The following SLC26A11 variants were observed in gnomAD, a reference collection of about 807,000 sequenced individuals.
The protein encoded by SLC26A11 is sodium-independent sulfate anion transporter.
Under a neutral mutation model 62.2 loss-of-function variants are expected in SLC26A11, and 58 were observed. That is an observed-to-expected ratio of 0.93 (90% confidence interval 0.76 to 1.16). The LOEUF (loss-of-function observed/expected upper bound fraction) is 1.16, where lower values mean the gene tolerates loss of function less well. SLC26A11 is among the 50% of genes most tolerant of loss of function. The pLI is 0.00. For missense variants in SLC26A11, 790 were observed against 794.3 expected, an observed-to-expected ratio of 0.99 and a Z score of 0.06; for synonymous variants, 411 against 368.9, an observed-to-expected ratio of 1.11 and a Z score of -1.31.
chr17:80,241,828 C>A lies in SLC26A11; in HGVS notation c.1036+7C>A. 1 of 1,614,168 alleles carries A rather than the reference C, an allele frequency of 6.2e-7. No individual in the cohort carries two copies. Among genetic ancestry groups the A allele is most frequent in the Non-Finnish European group, 8.5e-7 (1 of 1,180,022 alleles). On this transcript the variant is annotated splice_region_variant and intron_variant, in intron 10 of 17. Transcript: ENST00000361193. ...CAGGAGCTGCTGGCCATCGGTAAGA[C>A]CCCAGCCGCGGGAAGGAAGACACCA...
In SLC26A11 at chr17:80,221,666, A is replaced by G. The variant is rs1280022460; in HGVS notation, c.106A>G (p.Ile36Val). 1 of 1,613,196 alleles carries G rather than the reference A, an allele frequency of 6.2e-7. No individual in the cohort carries two copies. Among genetic ancestry groups the G allele is most frequent in the South Asian group, 1.1e-5 (1 of 91,076 alleles). ...TGCGGCCCTGCAGAGGAGGCTGCCC[A>G]TCCTGGCGTGGCTGCCCAGCTACTC... is the stretch of plus-strand genomic sequence containing the variant. ...SPAALQRRLP[I>V]LAWLPSYSLQ... The change falls in exon 3 of 18, where the codon ATC becomes GTC. Residue 36 changes from isoleucine (I) to valine (V), a missense_variant. By Grantham distance (29) the Ile-to-Val change is conservative. Coordinates refer to ENST00000361193, the MANE Select transcript of SLC26A11 (RefSeq NM_001166347.2).
At position 80,228,928 on chromosome 17, in the gene SLC26A11, C is replaced by A. The variant is rs571536070; in HGVS notation, c.736+968C>A. ...AGCAGGGCTGTCAGCAGGTGAAGGACCACCCTGGGGGAGGTGGAAGCCTCT... is the reference window on the plus strand; with the variant it reads ...AGCAGGGCTGTCAGCAGGTGAAGGAACACCCTGGGGGAGGTGGAAGCCTCT... On this transcript the variant is annotated intron_variant, in intron 7 of 17. Transcript: ENST00000361193. This position sits in a 1 kb window ranked among gnomAD's most constrained non-coding sequence, Gnocchi z 4.1. 4.1e-3 allele frequency among the ~76,000 whole-genome samples: 629 copies of A among 151,884 alleles called. 2 individuals are homozygous for A. Among genetic ancestry groups the A allele is most frequent in the Middle Eastern group, 0.021 (6 of 292 alleles).
intron 10 of SLC26A11, among the ~76,000 whole-genome samples, chr17:80,244,412 C>T (rs577207411): frequency 1.8e-4 from 28 of 152,274 alleles, no homozygotes; most frequent in African/African-American, 5.3e-4. Context: ...ACTGACCTCC[C>T]GAGTACCTAG....
At chr17:80,248,723 GC>G in intron 15 of SLC26A11, 49 bp downstream of exon 15, 2 of 1,507,298 alleles carry the variant, frequency 1.3e-6, no homozygotes, top group Non-Finnish European at 9.0e-7. Flanking sequence ...CCTGTCCTCT[GC>G]CCCCCACTCC....
chr17:80,233,356 T>C (rs1009289911), intron 7 of SLC26A11, among the ~76,000 whole-genome samples: 13 of 152,234 alleles, frequency 8.5e-5, no homozygotes, highest in East Asian at 5.8e-4. Flanking sequence ...TCAAAGGTTC[T>C]TGGCCTCAAG....
chr17:80,239,064 G>A (rs2042784381), intron 9 of SLC26A11, among the ~76,000 whole-genome samples: 1 of 148,900 alleles, frequency 6.7e-6, no homozygotes, highest in Non-Finnish European at 1.5e-5. Flanking sequence ...CTGCCCACCT[G>A]GGCCTCCCAG....
intron 9 of SLC26A11, among the ~76,000 whole-genome samples, chr17:80,238,811 G>GTTTTTTTTTTTTT (rs1276063968): frequency 3.2e-5 from 4 of 123,226 alleles, no homozygotes; most frequent in African/African-American, 1.0e-4. Flanking sequence ...CTTCAAAGGA[G>GTTTTTTTTTTTTT]TTTTTTTTGT....
Position 80,246,222 on chromosome 17 carries a change from A to G in SLC26A11, c.1153+13A>G, listed in dbSNP as rs770602275. 6.2e-6 allele frequency: 10 copies of G among 1,607,094 alleles called. No homozygotes were observed. Among genetic ancestry groups the G allele is most frequent in the Non-Finnish European group, 8.5e-6 (10 of 1,177,628 alleles). Reference sequence around the variant, plus strand: ...GGCCTGGTGACGGGTAAGGCCCCCCATCTTCCCCTTGTGCCCGCAGCCCTG... The same window carrying G: ...GGCCTGGTGACGGGTAAGGCCCCCCGTCTTCCCCTTGTGCCCGCAGCCCTG... On this transcript the variant is annotated intron_variant, in intron 12 of 17. Coordinates refer to ENST00000361193, the MANE Select transcript of SLC26A11 (RefSeq NM_001166347.2). The surrounding 1 kb of genome is among the most constrained non-coding windows in gnomAD (Gnocchi z 4.4).
chr17:80,240,578 G>A (rs1355895025), intron 9 of SLC26A11, among the ~76,000 whole-genome samples: 1 of 151,968 alleles, frequency 6.6e-6, no homozygotes, highest in South Asian at 2.1e-4. Context: ...CAAGGTGGGC[G>A]GATCACCTGA....
At chr17:80,224,352 T>G (rs1186871314) in intron 5 of SLC26A11, among the ~76,000 whole-genome samples, 1 of 132,468 alleles carries the variant, frequency 7.5e-6, no homozygotes, top group African/African-American at 2.9e-5. Flanking sequence ...AGAGTGGGTG[T>G]GGGTGTGAGG....
intron 9 of SLC26A11, among the ~76,000 whole-genome samples, chr17:80,238,815 TTTTTGTTTTTTG>T (rs1486376201): frequency 7.1e-6 from 1 of 141,668 alleles, no homozygotes; most frequent in African/African-American, 2.9e-5. Context: ...AAAGGAGTTT[TTTTTGTTTTTTG>T]TTTTTTTTTT....
In SLC26A11 at chr17:80,222,006, C is replaced by T; in HGVS notation, c.234+212C>T. ...GACACTGAGCTGGTTATGGAGGGGC[C>T]AGCGAGATGACTCATGGAGGCCTCA... On this transcript the variant is annotated intron_variant, in intron 3 of 17. Coordinates refer to ENST00000361193, the MANE Select transcript of SLC26A11 (RefSeq NM_001166347.2). The surrounding 1 kb of genome is among the most constrained non-coding windows in gnomAD (Gnocchi z 4.7). 1 of 566,160 alleles carries T rather than the reference C, an allele frequency of 1.8e-6. No homozygotes were observed. The highest frequency in any genetic ancestry group is 3.6e-5 in the Admixed American group (1 of 28,084). 35.1% of individuals were successfully genotyped at this position (566,160 alleles called of 1,614,324 possible).
In SLC26A11 at chr17:80,246,610, T is replaced by C; in HGVS notation, c.1255T>C (p.Phe419Leu). 3.1e-6 allele frequency: 5 copies of C among 1,613,994 alleles called. No homozygotes were observed. The highest frequency in any genetic ancestry group is 4.2e-6 in the Non-Finnish European group (5 of 1,180,002). Residue 419 changes from phenylalanine (F) to leucine (L), a missense_variant, in exon 13 of 18, where the codon TTC becomes CTC. Physicochemically the swap from Phe to Leu is conservative, Grantham distance 22. Coordinates refer to ENST00000361193, the MANE Select transcript of SLC26A11 (RefSeq NM_001166347.2). This position sits in a 1 kb window ranked among gnomAD's most constrained non-coding sequence, Gnocchi z 4.4. ...AVIIMAVAPL[F>L]DTKIFRTLWR... ...CATCATCATGGCCGTGGCCCCGCTG[T>C]TCGACACCAAGATCTTCAGGACGCT...
At chr17:80,248,493 G>T in intron 14 of SLC26A11, 82 bp from the exon 15 acceptor site, 2 of 1,426,024 alleles carry the variant, frequency 1.4e-6, no homozygotes, top group Non-Finnish European at 1.9e-6. Context: ...TAGGTTGGGT[G>T]GGGGCTTCCC....
In SLC26A11 at chr17:80,252,476, G is replaced by T. The variant is rs1461826015; in HGVS notation, c.1730-149G>T. Reference sequence around the variant, plus strand: ...CAGAGACTCAGGTGAGACCCTCATGGAGTTAGTGACACTGGCCTGGGTGGC... The same window carrying T: ...CAGAGACTCAGGTGAGACCCTCATGTAGTTAGTGACACTGGCCTGGGTGGC... On this transcript the variant is annotated intron_variant, in intron 17 of 17. Coordinates refer to ENST00000361193, the MANE Select transcript of SLC26A11 (RefSeq NM_001166347.2). The surrounding 1 kb of genome is among the most constrained non-coding windows in gnomAD (Gnocchi z 5.2). The T allele has an allele frequency of 3.3e-6, 2 of 597,346 alleles. No homozygotes were observed. Among genetic ancestry groups the T allele is most frequent in the African/African-American group, 3.8e-5 (2 of 53,010 alleles). 37.0% of individuals were successfully genotyped at this position (597,346 alleles called of 1,614,324 possible). A position where few individuals can be genotyped will look rare whatever the true frequency, so the allele number is the denominator to read the frequency against.
At chr17:80,230,210 A>G (rs1209635552) in intron 7 of SLC26A11, among the ~76,000 whole-genome samples, 3 of 151,914 alleles carry the variant, frequency 2.0e-5, no homozygotes. Flanking sequence ...AAAAAAAAAA[A>G]AAGTCAAAGT....
chr17:80,238,112 C>G (rs567556264), intron 9 of SLC26A11, among the ~76,000 whole-genome samples: 40 of 152,338 alleles, frequency 2.6e-4, no homozygotes, highest in African/African-American at 9.1e-4. Flanking sequence ...AATCCCAACA[C>G]TTTGGGAGGC....
In SLC26A11 at chr17:80,223,204, G is replaced by C; in HGVS notation, c.428-48G>C. 1 of 1,559,966 alleles carries C rather than the reference G, an allele frequency of 6.4e-7. No homozygotes were observed. The highest frequency in any genetic ancestry group is 8.8e-7 in the Non-Finnish European group (1 of 1,132,164). On this transcript the variant is annotated intron_variant, in intron 4 of 17. Transcript: ENST00000361193. The surrounding 1 kb of genome is among the most constrained non-coding windows in gnomAD (Gnocchi z 4.6). ...GCTCACATCTCCCCTCATCCTCTGGGACTGGGTGGAGCCGGGACCAGCTCG... is the reference window on the plus strand; with the variant it reads ...GCTCACATCTCCCCTCATCCTCTGGCACTGGGTGGAGCCGGGACCAGCTCG...
chr17:80,243,955 G>A (rs1043847625), intron 10 of SLC26A11, among the ~76,000 whole-genome samples: 4 of 152,228 alleles, frequency 2.6e-5, no homozygotes, highest in Non-Finnish European at 5.9e-5. Flanking sequence ...GCTGTAGAAT[G>A]AGGATGATCC....
Sources: gnomAD v4.1 joint callset for allele counts (sites outside exome capture counted in the v4.1 genomes callset) on GRCh38, gnomAD v4.1.1 for gene constraint, Gnocchi (gnomAD v3.1) non-coding constraint, MANE v1.5 for transcripts, NCBI Gene and HGNC (gene_info 2026-07-23, HGNC 2026-07-21) for gene names.